Variants in GRIK3 observed in about 807,000 individuals in gnomAD.
The protein encoded by GRIK3 is glutamate receptor ionotropic, kainate 3.
A neutral mutation model predicts 102.5 loss-of-function variants in GRIK3; 29 were observed. That is an observed-to-expected ratio of 0.28 (90% CI 0.21 to 0.39). GRIK3 has a LOEUF of 0.39. GRIK3 is among the 10% of genes least tolerant of loss of function. The pLI is 1.00. For missense variants in GRIK3, 908 were observed against 1,252.4 expected, an observed-to-expected ratio of 0.73 and a Z score of 4.15; for synonymous variants, 511 against 504.9, an observed-to-expected ratio of 1.01 and a Z score of -0.16.
intron 7 of GRIK3, 63 bp from the exon 8 acceptor site, chr1:36,853,785 T>G: frequency 1.1e-6 from 1 of 876,262 alleles, no homozygotes; most frequent in South Asian, 1.3e-5. Context: ...TCGGTACAAC[T>G]GTACAATGCT....
intron 8 of GRIK3, 115 bp downstream of exon 8, chr1:36,853,500 G>T (rs894921408): frequency 2.3e-5 from 16 of 682,412 alleles, no homozygotes; most frequent in Non-Finnish European, 2.6e-6. Flanking sequence ...AATCCCTGAG[G>T]GGCAGCTGGA....
At position 36,909,617 on chromosome 1, in the gene GRIK3, C is replaced by T. The variant is rs374278846; in HGVS notation, c.116-18521G>A. The stretch of plus-strand genomic sequence containing the variant: ...CGCCCGGCCTTTTTTTCTTTTTTAT[C>T]GGCATGCCCCTGCCCAAACCCATTT... On this transcript the variant is annotated intron_variant, in intron 1 of 15. Transcript: ENST00000373091. Among the ~76,000 whole-genome samples the T allele has an allele frequency of 4.1e-4, 63 of 151,950 alleles. 1 individual carries two copies. The South Asian group carries it at 0.011, about 27-fold the overall frequency.
chr1:36,864,977 C>T (rs1640767002), intron 5 of GRIK3, among the ~76,000 whole-genome samples: 1 of 152,064 alleles, frequency 6.6e-6, no homozygotes, highest in South Asian at 2.1e-4. Flanking sequence ...AATTCAGTAT[C>T]GACGAGGGAC....
Position 36,872,227 on chromosome 1 carries a change from G to A in GRIK3, c.693C>T (p.Phe231=), listed in dbSNP as rs748826480. 7 of 1,610,894 alleles carry A rather than the reference G, an allele frequency of 4.3e-6. No individual in the cohort carries two copies. The highest frequency in any genetic ancestry group is 5.1e-6 in the Non-Finnish European group (6 of 1,178,334). ...GGGCCGCCATAGTGTGGCTGCAGTCGAAGATAATGCGGAATTCCCGGCCTC... is the reference window on the plus strand; with the variant it reads ...GGGCCGCCATAGTGTGGCTGCAGTCAAAGATAATGCGGAATTCCCGGCCTC... ...MKRGREFRII[F]DCSHTMAAQI... is the part of the protein sequence containing the mutation. The change falls in exon 4 of 16, where the codon TTC becomes TTT. Residue 231 remains phenylalanine, a synonymous_variant. Transcript: ENST00000373091. This position sits in a 1 kb window ranked among gnomAD's most constrained non-coding sequence, Gnocchi z 5.9.
At chr1:37,026,277 A>G (rs912014593) in intron 1 of GRIK3, among the ~76,000 whole-genome samples, 2 of 152,222 alleles carry the variant, frequency 1.3e-5, no homozygotes, top group Non-Finnish European at 2.9e-5. Context: ...CATTATGAGC[A>G]TCCAAGAAAG....
At chr1:36,985,712 G>C (rs1197320617) in intron 1 of GRIK3, among the ~76,000 whole-genome samples, 1 of 152,104 alleles carries the variant, frequency 6.6e-6, no homozygotes, top group Non-Finnish European at 1.5e-5. Context: ...GAATGGCAGA[G>C]GGCAACTCTT....
chr1:37,026,470 G>A (rs1245172328), intron 1 of GRIK3, among the ~76,000 whole-genome samples: 1 of 152,220 alleles, frequency 6.6e-6, no homozygotes, highest in African/African-American at 2.4e-5. Flanking sequence ...CAGCCTCAGA[G>A]CTCAGAGTCG....
intron 1 of GRIK3, among the ~76,000 whole-genome samples, chr1:37,016,892 A>G (rs1195347585): frequency 6.6e-6 from 1 of 152,136 alleles, no homozygotes; most frequent in Non-Finnish European, 1.5e-5. Flanking sequence ...CCAAGCAAAG[A>G]GGTTAGTCTT....
intron 1 of GRIK3, among the ~76,000 whole-genome samples, chr1:36,974,713 T>C (rs1642176984): frequency 6.7e-6 from 1 of 149,040 alleles, no homozygotes; most frequent in Non-Finnish European, 1.5e-5. Flanking sequence ...GGCAGGAGAA[T>C]GGTGTGGACC....
chr1:36,801,858 A>G lies in GRIK3; in HGVS notation c.2753T>C (p.Phe918Ser). Residue 918 changes from phenylalanine (F) to serine (S), a missense_variant, in exon 16 of 16, where the codon TTC (phenylalanine) becomes TCC (serine). Physicochemically the swap from Phe to Ser is radical, Grantham distance 155. This residue lies in a region of GRIK3 where 297 missense variants were observed against 362.7 expected (regional missense o/e 0.82). Transcript: ENST00000373091. ...MACSTSLAPV[F>S]P The stretch of plus-strand genomic sequence containing the variant: ...TCCCCACCCCAGCTGTGCCTAGGGG[A>G]ACACAGGGGCTAAGGATGTGCTGCA... 6.2e-7 allele frequency: 1 copy of G among 1,604,070 alleles called. No individual in the cohort carries two copies. The highest frequency in any genetic ancestry group is 2.2e-5 in the East Asian group (1 of 44,786).
intron 1 of GRIK3, among the ~76,000 whole-genome samples, chr1:36,919,699 G>C (rs920300259): frequency 6.6e-6 from 1 of 152,220 alleles, no homozygotes; most frequent in Non-Finnish European, 1.5e-5. Context: ...GCACTGCTGT[G>C]CCCGGCTGTC....
chr1:36,922,157 G>A (rs576562929), intron 1 of GRIK3, among the ~76,000 whole-genome samples: 1 of 152,352 alleles, frequency 6.6e-6, no homozygotes, highest in East Asian at 1.9e-4. Flanking sequence ...GACCTCCAGA[G>A]CTACGGGAAA....
At chr1:36,910,931 G>A (rs1017419278) in intron 1 of GRIK3, among the ~76,000 whole-genome samples, 2 of 152,158 alleles carry the variant, frequency 1.3e-5, no homozygotes, top group Admixed American at 1.3e-4. Flanking sequence ...AGGTGAGAAC[G>A]CTCCATGTGA....
chr1:37,021,229 G>T (rs1642709932), intron 1 of GRIK3, among the ~76,000 whole-genome samples: 1 of 151,238 alleles, frequency 6.6e-6, no homozygotes. Context: ...TTTTCCCATG[G>T]CTCACCAAGG....
In GRIK3 at chr1:36,801,287, G is replaced by A. The variant is rs1642437242; in HGVS notation, c.*564C>T. On this transcript the variant is annotated 3_prime_UTR_variant, in exon 16 of 16. Coordinates refer to ENST00000373091, the MANE Select transcript of GRIK3 (RefSeq NM_000831.4). ...GCCAGAACAGGGGCTGCCAGGGGCA[G>A]CGCCAAGTTCAGAAGATTAGGACCA... is the stretch of plus-strand genomic sequence containing the variant. 1 of 152,438 alleles carries A rather than the reference G, an allele frequency of 6.6e-6. No homozygotes were observed. The highest frequency in any genetic ancestry group is 2.1e-4 in the South Asian group (1 of 4,836). 9.4% of individuals were successfully genotyped at this position (152,438 alleles called of 1,614,324 possible). A position where few individuals can be genotyped will look rare whatever the true frequency, so the allele number is the denominator to read the frequency against.
intron 10 of GRIK3, among the ~76,000 whole-genome samples, chr1:36,835,675 A>AG (rs762159224): frequency 6.6e-6 from 1 of 152,204 alleles, no homozygotes; most frequent in Non-Finnish European, 1.5e-5. Context: ...CAATTGATGA[A>AG]GGAAGGAATG....
intron 13 of GRIK3, among the ~76,000 whole-genome samples, chr1:36,808,293 G>A (rs370230343): frequency 6.6e-6 from 1 of 152,212 alleles, no homozygotes; most frequent in East Asian, 1.9e-4. Flanking sequence ...GCTTCTAGAT[G>A]GCTCCTACAG....
intron 1 of GRIK3, among the ~76,000 whole-genome samples, chr1:36,932,832 T>C (rs79859121): frequency 0.022 from 3,315 of 152,244 alleles, 113 homozygotes; most frequent in African/African-American, 0.074. Context: ...GGCTAGGTAC[T>C]GCATCTATTT....
intron 9 of GRIK3, among the ~76,000 whole-genome samples, chr1:36,842,953 G>T (rs1193433243): frequency 3.9e-5 from 6 of 152,082 alleles, no homozygotes; most frequent in Non-Finnish European, 7.4e-5. Flanking sequence ...GGTGCTTGTG[G>T]GTCAGAGATG....
Sources: gnomAD v4.1 joint callset for allele counts (sites outside exome capture counted in the v4.1 genomes callset) on GRCh38, gnomAD v4.1.1 for gene constraint, gnomAD v4.1.1 regional missense constraint, Gnocchi (gnomAD v3.1) non-coding constraint, MANE v1.5 for transcripts, NCBI Gene and HGNC (gene_info 2026-07-23, HGNC 2026-07-21) for gene names.